The following ASB5 variants were observed in gnomAD, a reference collection of about 807,000 sequenced individuals.
ASB5 encodes the protein ankyrin repeat and SOCS box containing 5, also known as ankyrin repeat and SOCS box protein 5.
Under a neutral mutation model 42.1 loss-of-function variants are expected in ASB5, and 45 were observed. That is an observed-to-expected ratio of 1.07 (90% confidence interval 0.84 to 1.37). The LOEUF (loss-of-function observed/expected upper bound fraction) is 1.37, where lower values mean the gene tolerates loss of function less well. Among genes scored for constraint, ASB5 ranks in the 40% most tolerant of loss-of-function variants. ASB5 has a pLI of 0.00. For missense variants in ASB5, 402 were observed against 399.8 expected, an observed-to-expected ratio of 1.01 and a Z score of -0.05; for synonymous variants, 147 against 150.6, an observed-to-expected ratio of 0.98 and a Z score of 0.18.
rs1001585987 is a variant in ASB5, at chr4:176,217,971, A to AT, written c.671-963dup. Among the ~76,000 whole-genome samples the AT allele has an allele frequency of 4.6e-5, 7 of 151,760 alleles. No individual in the cohort carries two copies. The South Asian group carries it at 1.2e-3, about 27-fold the overall frequency. On this transcript the variant is annotated intron_variant, in intron 5 of 6. Transcript: ENST00000296525. ...TTCAATAAATGTAATCATTTTCAAT[A>AT]TTTTTAAAACAAATATAAAATGTTT...
At chr4:176,274,745 T>C (rs574313615) in intron 2 of ASB5, among the ~76,000 whole-genome samples, 5 of 152,260 alleles carry the variant, frequency 3.3e-5, no homozygotes, top group Admixed American at 3.3e-4. Context: ...AAATCTTCTA[T>C]GATTAAGAAT....
chr4:176,222,342 C>T lies in ASB5; in HGVS notation c.355G>A (p.Ala119Thr). The part of the protein sequence containing the change: ...EACLGDHVAC[A>T]RTLLEAGANV... ...GCTCCTGCTTCCAGCAGAGTTCTGG[C>T]ACATGCCACGTGATCTCCAAGGCAG... Residue 119 changes from alanine (A) to threonine (T), a missense_variant, in exon 3 of 7, where the codon GCC (alanine) becomes ACC (threonine). Physicochemically the swap from Ala to Thr is moderately conservative, Grantham distance 58 (BLOSUM62 0). Coordinates refer to ENST00000296525, the MANE Select transcript of ASB5 (RefSeq NM_080874.4). The T allele has an allele frequency of 8.1e-6, 13 of 1,613,900 alleles. No individual in the cohort carries two copies. The highest frequency in any genetic ancestry group is 1.0e-5 in the Non-Finnish European group (12 of 1,179,822).
intron 1 of ASB5, among the ~76,000 whole-genome samples, chr4:176,226,816 G>T (rs940623351): frequency 5.3e-5 from 8 of 152,164 alleles, no homozygotes; most frequent in Non-Finnish European, 7.4e-5. Flanking sequence ...ACCCCAGCTT[G>T]CCTGGGCTCT....
rs1579323092 is a variant in ASB5 at position 176,238,803 on chromosome 4, A to G, written c.197-13462T>C. ...CTGTCCTATGCACTACCCTATGGAC[A>G]TTTGCTGCCATATTACACTGCCAGT... On this transcript the variant is annotated intron_variant, in intron 1 of 6. Transcript: ENST00000296525. Among the ~76,000 whole-genome samples the G allele has an allele frequency of 2.0e-5, 3 of 152,204 alleles. No homozygotes were observed. In the South Asian group the frequency reaches 6.2e-4, roughly 32 times the overall value.
chr4:176,218,006 A>T (rs1421055433), intron 5 of ASB5, among the ~76,000 whole-genome samples: 1 of 151,278 alleles, frequency 6.6e-6, no homozygotes. Flanking sequence ...TCGTGAAAAA[A>T]TTATATTCCA....
At chr4:176,231,206 G>C (rs554993606) in intron 1 of ASB5, among the ~76,000 whole-genome samples, 1 of 147,378 alleles carries the variant, frequency 6.8e-6, no homozygotes, top group Non-Finnish European at 1.5e-5. Context: ...AGCCACTGTC[G>C]AGGTAAATCC....
chr4:176,233,897 G>A (rs969183283), intron 1 of ASB5, among the ~76,000 whole-genome samples: 2 of 151,992 alleles, frequency 1.3e-5, no homozygotes, highest in Non-Finnish European at 2.9e-5. Context: ...AACTTCTCCC[G>A]ATCCGCAAAT....
chr4:176,270,067 T>C (rs1754440339), upstream of ASB5, among the ~76,000 whole-genome samples: 1 of 152,220 alleles, frequency 6.6e-6, no homozygotes, highest in Non-Finnish European at 1.5e-5. Context: ...CATCTGTATA[T>C]AGGTATCCTT....
At chr4:176,216,642 C>T (rs1386393553) in intron 6 of ASB5, among the ~76,000 whole-genome samples, 176 bp downstream of exon 6, 2 of 152,224 alleles carry the variant, frequency 1.3e-5, no homozygotes, top group African/African-American at 4.8e-5. Context: ...AGCCACCACA[C>T]TCGGCTGATA....
At chr4:176,223,536 A>G (rs1057296630) in intron 2 of ASB5, among the ~76,000 whole-genome samples, 1 of 152,224 alleles carries the variant, frequency 6.6e-6, no homozygotes, top group Non-Finnish European at 1.5e-5. Flanking sequence ...ATTGACAATC[A>G]TACTAAGCAC....
At chr4:176,273,135 G>A (rs1414998701), upstream of ASB5, among the ~76,000 whole-genome samples, 2 of 151,922 alleles carry the variant, frequency 1.3e-5, no homozygotes, top group African/African-American at 4.8e-5. Flanking sequence ...ATGTCTGGTA[G>A]ACATCTAAAG....
At chr4:176,267,722 G>A (rs764061865) in intron 1 of ASB5, among the ~76,000 whole-genome samples, 1 of 152,156 alleles carries the variant, frequency 6.6e-6, no homozygotes, top group Non-Finnish European at 1.5e-5. Flanking sequence ...TCCCTAAAGA[G>A]ATTCTTATGA....
At chr4:176,247,644 T>G (rs1307420303) in intron 1 of ASB5, among the ~76,000 whole-genome samples, 3 of 152,184 alleles carry the variant, frequency 2.0e-5, no homozygotes, top group Non-Finnish European at 2.9e-5. Flanking sequence ...AAAATGGACT[T>G]ACACCATACA....
At chr4:176,251,121 C>T (rs1220639477) in intron 1 of ASB5, among the ~76,000 whole-genome samples, 3 of 151,880 alleles carry the variant, frequency 2.0e-5, no homozygotes, top group African/African-American at 7.3e-5. Context: ...TACACATAAA[C>T]CTTCTCCTCC....
At position 176,219,189 on chromosome 4, in the gene ASB5, T is replaced by C. The variant is rs1261167239; in HGVS notation, c.670+1966A>G. Among the ~76,000 whole-genome samples the C allele has an allele frequency of 6.7e-5, 8 of 119,922 alleles. No homozygotes were observed. The East Asian group carries it at 9.4e-4, about 14-fold the overall frequency. 78.7% of individuals were successfully genotyped at this position (119,922 alleles called of 152,430 possible). ...TATAAATATATATTTGTATGACATA[T>C]AAATATATATATTTGTATGACAGAT... On this transcript the variant is annotated intron_variant, in intron 5 of 6. Transcript: ENST00000296525.
At chr4:176,260,924 C>T (rs1056677509) in intron 1 of ASB5, among the ~76,000 whole-genome samples, 1 of 152,204 alleles carries the variant, frequency 6.6e-6, no homozygotes, top group African/African-American at 2.4e-5. Flanking sequence ...ATCCACCTAC[C>T]TCAGCCTCCC....
At chr4:176,267,201 C>T (rs928724635) in intron 1 of ASB5, among the ~76,000 whole-genome samples, 5 of 152,132 alleles carry the variant, frequency 3.3e-5, no homozygotes, top group Non-Finnish European at 5.9e-5. Context: ...GCTGTTTACT[C>T]GTGTATCTGC....
chr4:176,248,017 G>A (rs1753945641), intron 1 of ASB5, among the ~76,000 whole-genome samples: 1 of 152,184 alleles, frequency 6.6e-6, no homozygotes, highest in East Asian at 1.9e-4. Flanking sequence ...ACATTGCAAA[G>A]GAAGAAGTAC....
At chr4:176,257,999 T>A (rs985742214) in intron 1 of ASB5, among the ~76,000 whole-genome samples, 3 of 152,210 alleles carry the variant, frequency 2.0e-5, no homozygotes, top group African/African-American at 7.2e-5. Context: ...ATTATGTGCT[T>A]GTAGTAACCG....
Sources: allele counts gnomAD v4.1 joint callset (sites outside exome capture counted in the v4.1 genomes callset), GRCh38; gene constraint gnomAD v4.1.1; transcripts MANE v1.5; gene names NCBI Gene and HGNC (gene_info 2026-07-23, HGNC 2026-07-21).